GFM2: variants seen among roughly 807,000 people sequenced by gnomAD.
GFM2 encodes ribosome-releasing factor 2, mitochondrial.
Under a neutral mutation model 95.4 loss-of-function variants are expected in GFM2, and 72 were observed. The observed-to-expected ratio is 0.76, with a 90% CI of 0.62 to 0.92. GFM2 has a LOEUF of 0.92. Ranked by LOEUF, GFM2 falls within the 40% of genes least tolerant of loss-of-function variation. GFM2 has a pLI of 0.00. For missense variants in GFM2, 825 were observed against 924.1 expected (o/e 0.89, Z 1.39); for synonymous variants, 276 against 317.5 (o/e 0.87, Z 1.39).
In GFM2 at chr5:74,725,804, GAAGT is replaced by G. The variant is rs760789545; in HGVS notation, c.1913-53_1913-50del. On this transcript the variant is annotated intron_variant, in intron 18 of 20. Transcript: ENST00000296805. ...TCATACTCTGCTAGATGTGAAGTGA[GAAGT>G]AACTGAGAAGTGCAAAGGAATAGGG... 4.7e-6 allele frequency: 7 copies of G among 1,479,718 alleles called. No homozygotes were observed. The South Asian group carries it at 5.7e-5, about 12-fold the overall frequency. 91.7% of individuals were successfully genotyped at this position (1,479,718 alleles called of 1,614,324 possible).
chr5:74,753,448 T>G (rs1249744197), intron 5 of GFM2, among the ~76,000 whole-genome samples: 7 of 151,948 alleles, frequency 4.6e-5, no homozygotes, highest in Non-Finnish European at 1.5e-5. Context: ...AATACAAAAA[T>G]TAGTCAAGCA....
At chr5:74,739,011 C>T (rs1471438130) in intron 12 of GFM2, among the ~76,000 whole-genome samples, 2 of 152,130 alleles carry the variant, frequency 1.3e-5, no homozygotes, top group African/African-American at 4.8e-5. Flanking sequence ...TCTCCTTCCA[C>T]TTTCTGTCCA....
chr5:74,764,631 T>C (rs986673892), intron 1 of GFM2, among the ~76,000 whole-genome samples: 3 of 151,632 alleles, frequency 2.0e-5, no homozygotes, highest in Admixed American at 6.5e-5. Flanking sequence ...TTGTGATCCA[T>C]GTTATTAAGA....
At chr5:74,731,958 T>G (rs1579978162) in intron 16 of GFM2, among the ~76,000 whole-genome samples, 1 of 151,452 alleles carries the variant, frequency 6.6e-6, no homozygotes, top group East Asian at 1.9e-4. Flanking sequence ...TTATTTATTT[T>G]TATTTATTTT....
chr5:74,758,704 G>A, intron 5 of GFM2, 145 bp downstream of exon 5: 1 of 601,402 alleles, frequency 1.7e-6, no homozygotes, highest in East Asian at 2.8e-5. Context: ...GGTGGGTATT[G>A]CAACTATCTT....
At chr5:74,766,387 C>T (rs141077479) in intron 1 of GFM2, among the ~76,000 whole-genome samples, 6 of 152,344 alleles carry the variant, frequency 3.9e-5, no homozygotes, top group African/African-American at 1.4e-4. Flanking sequence ...TCTTTTGGTA[C>T]AGTTCTTTTT....
chr5:74,738,749 T>A, intron 12 of GFM2, 107 bp from the exon 13 acceptor site: 1 of 975,452 alleles, frequency 1.0e-6, no homozygotes, highest in Non-Finnish European at 1.5e-6. Flanking sequence ...GTAGAGCTAC[T>A]TAGAGCCACT....
chr5:74,746,373 T>C (rs1332589011), intron 8 of GFM2, among the ~76,000 whole-genome samples: 3 of 152,250 alleles, frequency 2.0e-5, no homozygotes, highest in Admixed American at 6.5e-5. Flanking sequence ...TATCAGTAAT[T>C]ACCCTAATCC....
At chr5:74,761,102 A>T in intron 2 of GFM2, 116 bp from the exon 3 acceptor site, 1 of 618,228 alleles carries the variant, frequency 1.6e-6, no homozygotes, top group African/African-American at 1.9e-5. Context: ...GCTTTAAAGT[A>T]GTCCTAATTT....
rs1749856169 is a variant in GFM2, at chr5:74,721,244, A to AAGAT, written c.*407_*410dup. The AAGAT allele has an allele frequency of 5.8e-6, 7 of 1,216,020 alleles. No individual in the cohort carries two copies. In the Admixed American group the frequency reaches 1.2e-4, roughly 21 times the overall value. The allele number at this position is 1,216,020 out of a possible 1,614,324, so 75.3% of individuals were successfully genotyped here. A position where few individuals can be genotyped will look rare whatever the true frequency, so the allele number is the denominator to read the frequency against. ...ACTTTATTTTGAAATCATGTAAAAT[A>AAGAT]AGATATTAGACTGTTTTTTGAATAA... On this transcript the variant is annotated 3_prime_UTR_variant, in exon 21 of 21. Coordinates refer to ENST00000296805, the MANE Select transcript of GFM2 (RefSeq NM_032380.5).
chr5:74,745,400 T>C (rs921574660), intron 10 of GFM2, among the ~76,000 whole-genome samples: 2 of 152,118 alleles, frequency 1.3e-5, no homozygotes, highest in African/African-American at 4.8e-5. Context: ...GACAGGTAGA[T>C]GATTAGTGGG....
chr5:74,740,575 A>C (rs549975768), intron 11 of GFM2, among the ~76,000 whole-genome samples: 5 of 152,270 alleles, frequency 3.3e-5, no homozygotes, highest in Non-Finnish European at 7.4e-5. Context: ...GAGAAATCCA[A>C]GTAGGAAAAT....
At chr5:74,743,377 C>T (rs563007019) in intron 10 of GFM2, among the ~76,000 whole-genome samples, 13 of 152,260 alleles carry the variant, frequency 8.5e-5, no homozygotes, top group East Asian at 1.9e-4. Flanking sequence ...ACCAACAGTG[C>T]GCAAAGTTAT....
intron 5 of GFM2, among the ~76,000 whole-genome samples, chr5:74,756,550 G>A (rs1376823407): frequency 6.6e-6 from 1 of 152,106 alleles, no homozygotes; most frequent in Non-Finnish European, 1.5e-5. Flanking sequence ...ATACCAAATA[G>A]TGGGATTGCT....
At chr5:74,724,038 G>C (rs1750037962) in intron 19 of GFM2, among the ~76,000 whole-genome samples, 1 of 152,104 alleles carries the variant, frequency 6.6e-6, no homozygotes, top group Non-Finnish European at 1.5e-5. Context: ...GAGAGAAGGA[G>C]ATTCCCCATT....
At chr5:74,737,863 C>G (rs1444346422) in intron 14 of GFM2, among the ~76,000 whole-genome samples, 1 of 152,110 alleles carries the variant, frequency 6.6e-6, no homozygotes, top group Non-Finnish European at 1.5e-5. Flanking sequence ...AAACACTGAT[C>G]TATGGACTGT....
chr5:74,721,946 T>C (rs541094875), intron 20 of GFM2, among the ~76,000 whole-genome samples, 163 bp from the exon 21 acceptor site: 3 of 152,272 alleles, frequency 2.0e-5, no homozygotes, highest in South Asian at 2.1e-4. Context: ...TCAGGGTAAG[T>C]TGGATATAAA....
intron 20 of GFM2, 105 bp downstream of exon 20, chr5:74,722,274 A>AT: frequency 2.1e-6 from 2 of 937,014 alleles, no homozygotes; most frequent in Non-Finnish European, 3.2e-6. Context: ...TATTCTCTAA[A>AT]TCAAAGCCTT....
At chr5:74,743,834 G>C (rs1374727983) in intron 10 of GFM2, among the ~76,000 whole-genome samples, 4 of 152,184 alleles carry the variant, frequency 2.6e-5, no homozygotes, top group Non-Finnish European at 5.9e-5. Context: ...TATTAGCTGT[G>C]TGACAACTTA....
Sources: gnomAD v4.1 joint callset for allele counts (sites outside exome capture counted in the v4.1 genomes callset) on GRCh38, gnomAD v4.1.1 for gene constraint, MANE v1.5 for transcripts, NCBI Gene and HGNC (gene_info 2026-07-23, HGNC 2026-07-21) for gene names.